The following ABL1 variants were observed in gnomAD, a reference collection of about 807,000 sequenced individuals.
ABL1 encodes the protein ABL proto-oncogene 1, non-receptor tyrosine kinase, also known as tyrosine-protein kinase ABL1.
Under a neutral mutation model 94.7 loss-of-function variants are expected in ABL1, and 11 were observed. That is an observed-to-expected ratio of 0.12 (90% CI 0.07 to 0.19). ABL1 has a LOEUF of 0.19. Ranked by LOEUF, ABL1 falls within the 10% of genes least tolerant of loss-of-function variation. ABL1 has a pLI of 1.00. For missense variants in ABL1, 1,082 were observed against 1,489.4 expected, an observed-to-expected ratio of 0.73 and a Z score of 4.50; for synonymous variants, 656 against 622.4, an observed-to-expected ratio of 1.05 and a Z score of -0.80.
At chr9:130,881,243 G>A (rs1831447621) in intron 10 of ABL1, among the ~76,000 whole-genome samples, 2 of 151,988 alleles carry the variant, frequency 1.3e-5, no homozygotes, top group South Asian at 4.1e-4. Context: ...CCTACTACAG[G>A]CCAGGCTCTG....
chr9:130,835,794 A>G lies in ABL1; in HGVS notation c.79+269A>G, dbSNP rs1398632194. Among the ~76,000 whole-genome samples, 2 of 151,306 alleles carry G rather than the reference A, an allele frequency of 1.3e-5. No individual in the cohort carries two copies. The highest frequency in any genetic ancestry group is 4.2e-4 in the South Asian group (2 of 4,788). On this transcript the variant is annotated intron_variant, in intron 1 of 10. Transcript: ENST00000318560. This position sits in a 1 kb window ranked among gnomAD's most constrained non-coding sequence, Gnocchi z 4.6. Reference sequence around the variant, plus strand: ...CTTTCTCTTTCTCGCGATGGCCCCTAGGCGCCGCCGGCGGAGCGTGGCCCC... The same window carrying G: ...CTTTCTCTTTCTCGCGATGGCCCCTGGGCGCCGCCGGCGGAGCGTGGCCCC...
chr9:130,763,807 C>T (rs1319197497), intron 1 of ABL1, among the ~76,000 whole-genome samples: 3 of 152,152 alleles, frequency 2.0e-5, no homozygotes, highest in Non-Finnish European at 4.4e-5. Flanking sequence ...CTGTTGGTTC[C>T]CCAGTCTACC....
intron 1 of ABL1, among the ~76,000 whole-genome samples, chr9:130,822,032 G>T (rs1013682682): frequency 2.0e-5 from 3 of 152,110 alleles, no homozygotes; most frequent in African/African-American, 2.4e-5. Flanking sequence ...TAGAGACGAG[G>T]TTTCACTGTG....
intron 3 of ABL1, among the ~76,000 whole-genome samples, chr9:130,858,025 T>C (rs1016491264): frequency 2.6e-5 from 4 of 151,954 alleles, no homozygotes; most frequent in Non-Finnish European, 5.9e-5. Context: ...TGGGGGGTGA[T>C]TTTCTGGAGC....
At chr9:130,790,291 C>T (rs1829888765) in intron 1 of ABL1, among the ~76,000 whole-genome samples, 1 of 151,962 alleles carries the variant, frequency 6.6e-6, no homozygotes, top group Non-Finnish European at 1.5e-5. Flanking sequence ...GGCCCCCACC[C>T]TTTTGTCTTT....
intron 1 of ABL1, among the ~76,000 whole-genome samples, chr9:130,841,656 T>G (rs934183387): frequency 2.0e-5 from 3 of 151,340 alleles, no homozygotes; most frequent in Non-Finnish European, 4.4e-5. Context: ...ACTAAAAATA[T>G]AAAAAATTAG....
At chr9:130,853,004 G>A (rs1196834836) in intron 1 of ABL1, among the ~76,000 whole-genome samples, 1 of 152,108 alleles carries the variant, frequency 6.6e-6, no homozygotes, top group African/African-American at 2.4e-5. Context: ...AGAACAGGCA[G>A]TGAAGGTGTG....
chr9:130,724,855 G>A (rs1021148276), intron 1 of ABL1: 6 of 464,358 alleles, frequency 1.3e-5, no homozygotes, highest in South Asian at 3.2e-5. Context: ...AATCCACGCC[G>A]CTTCATTCGC....
At chr9:130,785,721 G>A (rs986604088) in intron 1 of ABL1, among the ~76,000 whole-genome samples, 57 of 151,840 alleles carry the variant, frequency 3.8e-4, no homozygotes, top group Admixed American at 3.5e-3. Context: ...TCAGGAGTTC[G>A]AGAGCAACCT....
rs572224757 is a variant in ABL1 at position 130,885,736 on chromosome 9, G to A, written c.*53G>A. On this transcript the variant is annotated 3_prime_UTR_variant, in exon 11 of 11. Coordinates refer to ENST00000318560, the MANE Select transcript of ABL1 (RefSeq NM_005157.6). The stretch of plus-strand genomic sequence containing the variant: ...CGTCGGAGCTGCCTGCAGCACATGC[G>A]GGCTCGCCCATACCCGTGACAGTGG... 21 of 1,560,152 alleles carry A rather than the reference G, an allele frequency of 1.3e-5. No homozygotes were observed. Among genetic ancestry groups the A allele is most frequent in the African/African-American group, 9.5e-5 (7 of 73,708 alleles).
chr9:130,784,271 GT>G (rs966810983), intron 1 of ABL1, among the ~76,000 whole-genome samples: 1 of 152,040 alleles, frequency 6.6e-6, no homozygotes, highest in Non-Finnish European at 1.5e-5. Context: ...AAATTTCTGT[GT>G]TTTTTTGTCC....
At position 130,807,764 on chromosome 9, in the gene ABL1, C is replaced by T. The variant is rs1306072587; in HGVS notation, c.137-46300C>T. Among the ~76,000 whole-genome samples the T allele has an allele frequency of 1.5e-3, 194 of 132,748 alleles. 1 individual carries two copies. Among genetic ancestry groups the T allele is most frequent in the African/African-American group, 5.3e-3 (188 of 35,544 alleles). The allele number at this position is 132,748 out of a possible 152,430, so 87.1% of individuals were successfully genotyped here. A position where few individuals can be genotyped will look rare whatever the true frequency, so the allele number is the denominator to read the frequency against. ...CCAGGCTGGAGTGCAATGGTGCGAT[C>T]TCGGCTCACCGCAGTCACTGCCTCT... is the stretch of plus-strand genomic sequence containing the variant. On this transcript the variant is annotated intron_variant, in intron 1 of 10. Coordinates refer to the ABL1 transcript ENST00000372348.
chr9:130,719,390 G>A (rs550099192), intron 1 of ABL1, among the ~76,000 whole-genome samples: 58 of 152,152 alleles, frequency 3.8e-4, no homozygotes, highest in Non-Finnish European at 6.3e-4. Flanking sequence ...TTAGCTGGGC[G>A]TGGTTGCAGG....
chr9:130,728,146 C>G (rs987862459), intron 1 of ABL1, among the ~76,000 whole-genome samples: 3 of 150,990 alleles, frequency 2.0e-5, no homozygotes, highest in African/African-American at 7.3e-5. Context: ...TCACTGCAAC[C>G]TCCGTCTCCC....
chr9:130,750,644 CTTTTTTTT>C (rs71389345), intron 1 of ABL1, among the ~76,000 whole-genome samples: 4 of 87,290 alleles, frequency 4.6e-5, no homozygotes, highest in South Asian at 4.3e-4. Context: ...CTTTTTCTTT[CTTTTTTTT>C]TTTTTTTTTT....
chr9:130,846,081 C>CTGTGTG lies in ABL1; in HGVS notation c.80-7960_80-7955dup, dbSNP rs10554440. ...AGGCTGTGTTCAGTTAAACGTATGT[C>CTGTGTG]TGTGTGTGTGTGTGTGTGTGTGTGT... On this transcript the variant is annotated intron_variant, in intron 1 of 10. Transcript: ENST00000318560. 6.9e-3 allele frequency among the ~76,000 whole-genome samples: 1,016 copies of CTGTGTG among 148,150 alleles called. 9 individuals carry two copies. Among genetic ancestry groups the CTGTGTG allele is most frequent in the African/African-American group, 0.014 (580 of 40,486 alleles).
chr9:130,824,396 T>C (rs960437045), intron 1 of ABL1, among the ~76,000 whole-genome samples: 6 of 152,202 alleles, frequency 3.9e-5, no homozygotes, highest in African/African-American at 1.4e-4. Context: ...GACTGGAGGA[T>C]GCCCAGCCAA....
At chr9:130,801,417 G>A (rs200695945) in intron 1 of ABL1, among the ~76,000 whole-genome samples, 2 of 152,070 alleles carry the variant, frequency 1.3e-5, no homozygotes, top group African/African-American at 4.8e-5. Flanking sequence ...TAGTAGAGAC[G>A]GGGTTTCACC....
At chr9:130,763,092 GT>G (rs1251606228) in intron 1 of ABL1, among the ~76,000 whole-genome samples, 1 of 151,628 alleles carries the variant, frequency 6.6e-6, no homozygotes, top group East Asian at 1.9e-4. Flanking sequence ...CCATCTTTCT[GT>G]TTCTTCAGTA....
Sources: gnomAD v4.1 joint callset for allele counts (sites outside exome capture counted in the v4.1 genomes callset) on GRCh38, gnomAD v4.1.1 for gene constraint, Gnocchi (gnomAD v3.1) non-coding constraint, MANE v1.5 for transcripts, NCBI Gene and HGNC (gene_info 2026-07-23, HGNC 2026-07-21) for gene names.